The following LAMA2 variants were observed in gnomAD, a reference collection of about 807,000 sequenced individuals.
LAMA2 encodes the protein laminin subunit alpha 2.
LAMA2 carries 269 observed loss-of-function variants against 364.8 expected under a neutral mutation model. The observed-to-expected ratio is 0.74, with a 90% CI of 0.67 to 0.82. LAMA2 has a LOEUF of 0.82. Among genes scored for constraint, LAMA2 ranks in the 40% least tolerant of loss-of-function variants. The probability of loss-of-function intolerance (pLI) is 0.00; values close to 1 mark genes in which losing one functional copy is unlikely to be tolerated. For missense variants in LAMA2, 3,807 were observed against 3,873.2 expected (o/e 0.98, Z 0.45); for synonymous variants, 1,379 against 1,370.6 (o/e 1.01, Z -0.14).
chr6:129,231,825 C>A (rs754938833), intron 12 of LAMA2, among the ~76,000 whole-genome samples: 10 of 152,020 alleles, frequency 6.6e-5, no homozygotes, highest in African/African-American at 1.4e-4. Flanking sequence ...TCATTTAGTG[C>A]ATCTTAGACA....
rs957189805 is a variant in LAMA2 at position 128,883,267 on chromosome 6, C to G, written c.22C>G (p.Leu8Val). ...TACGATGCCGGGAGCCGCCGGGGTC[C>G]TCCTCCTTCTGCTGCTCTCCGGAGG... MPGAAGV[L>V]LLLLLSGGLG... is the part of the protein sequence containing the mutation. The change falls in exon 1 of 65, where the codon CTC becomes GTC. Residue 8 changes from leucine to valine, a missense_variant. This residue lies in a region of LAMA2 where 394 missense variants were observed against 403.5 expected (regional missense o/e 0.98). Coordinates refer to ENST00000421865, the MANE Select transcript of LAMA2 (RefSeq NM_000426.4). The G allele has an allele frequency of 1.3e-6, 2 of 1,561,406 alleles. No homozygotes were observed. Among genetic ancestry groups the G allele is most frequent in the African/African-American group, 2.7e-5 (2 of 73,892 alleles).
chr6:129,473,492 T>A, intron 52 of LAMA2, 140 bp downstream of exon 52: 1 of 756,800 alleles, frequency 1.3e-6, no homozygotes, highest in Non-Finnish European at 2.2e-6. Context: ...AACATCATGT[T>A]GCATGTTAGA....
chr6:129,143,071 C>T (rs1778225934), intron 4 of LAMA2, among the ~76,000 whole-genome samples: 1 of 151,910 alleles, frequency 6.6e-6, no homozygotes, highest in African/African-American at 2.4e-5. Context: ...ATTCTTTGCT[C>T]TTGAGAAGTC....
chr6:129,315,415 A>C, intron 24 of LAMA2, 61 bp from the exon 25 acceptor site: 1 of 1,452,130 alleles, frequency 6.9e-7, no homozygotes, highest in South Asian at 1.1e-5. Context: ...TTCGTAACTT[A>C]GTTTTAAAGA....
chr6:129,460,444 C>T, intron 49 of LAMA2, 120 bp downstream of exon 49: 1 of 1,049,204 alleles, frequency 9.5e-7, no homozygotes, highest in African/African-American at 1.6e-5. Context: ...GGATTATACT[C>T]AGAGGTGGAA....
intron 1 of LAMA2, among the ~76,000 whole-genome samples, chr6:128,966,568 C>A (rs2114607816): frequency 6.6e-6 from 1 of 152,114 alleles, no homozygotes; most frequent in East Asian, 1.9e-4. Flanking sequence ...AGAGAATGTT[C>A]CAGCTGTTCT....
At chr6:129,382,332 A>G (rs1778738605) in intron 34 of LAMA2, among the ~76,000 whole-genome samples, 1 of 152,210 alleles carries the variant, frequency 6.6e-6, no homozygotes, top group Non-Finnish European at 1.5e-5. Flanking sequence ...TTATACACAC[A>G]CCATTTTTGT....
chr6:129,131,452 T>G (rs900817208), intron 4 of LAMA2, among the ~76,000 whole-genome samples: 2 of 152,188 alleles, frequency 1.3e-5, no homozygotes, highest in Non-Finnish European at 2.9e-5. Flanking sequence ...TATCTGAGCT[T>G]CTTTGAGGGC....
chr6:129,090,572 T>C (rs941024034), intron 3 of LAMA2, among the ~76,000 whole-genome samples: 1 of 152,278 alleles, frequency 6.6e-6, no homozygotes, highest in Non-Finnish European at 1.5e-5. Flanking sequence ...TTGCAACTTA[T>C]TTTTTTGAAG....
At chr6:129,237,911 C>T (rs756503815) in intron 12 of LAMA2, among the ~76,000 whole-genome samples, 3 of 151,328 alleles carry the variant, frequency 2.0e-5, no homozygotes, top group Non-Finnish European at 2.9e-5. Context: ...GTAATCTCAC[C>T]ACTTTGGGAG....
intron 12 of LAMA2, among the ~76,000 whole-genome samples, chr6:129,242,458 T>A (rs1200969170): frequency 6.6e-6 from 1 of 152,154 alleles, no homozygotes; most frequent in Non-Finnish European, 1.5e-5. Flanking sequence ...TTAATCAGCA[T>A]TGATGTTGTA....
rs143316875 is a variant in LAMA2, at chr6:129,202,572, G to T, written c.1782+9719G>T. Among the ~76,000 whole-genome samples the T allele has an allele frequency of 3.1e-3, 471 of 152,236 alleles. 1 individual carries two copies. Among genetic ancestry groups the T allele is most frequent in the African/African-American group, 0.011 (456 of 41,518 alleles). On this transcript the variant is annotated intron_variant, in intron 12 of 64. Coordinates refer to ENST00000421865, the MANE Select transcript of LAMA2 (RefSeq NM_000426.4). ...TGGATTTCCTAGTCTCCAGCACTGT[G>T]AGCAGTATATTTTTAATGCTTAAAA... is the stretch of plus-strand genomic sequence containing the variant.
intron 3 of LAMA2, among the ~76,000 whole-genome samples, chr6:129,066,521 C>T (rs1207030109): frequency 6.6e-6 from 1 of 152,102 alleles, no homozygotes; most frequent in Non-Finnish European, 1.5e-5. Context: ...CAATGTGATC[C>T]ACAGATTCAG....
At chr6:129,129,740 C>T (rs1357711276) in intron 4 of LAMA2, among the ~76,000 whole-genome samples, 2 of 151,482 alleles carry the variant, frequency 1.3e-5, no homozygotes, top group Non-Finnish European at 1.5e-5. Context: ...CCGGCTAAAA[C>T]GGTGAAACCC....
intron 1 of LAMA2, among the ~76,000 whole-genome samples, chr6:128,959,105 C>T (rs1036617953): frequency 6.6e-6 from 1 of 152,098 alleles, no homozygotes; most frequent in South Asian, 2.1e-4. Flanking sequence ...ACATCGTTGC[C>T]TGGCATTAAT....
In LAMA2 at chr6:129,270,684, G is replaced by A. The variant is rs149896793; in HGVS notation, c.2383G>A (p.Glu795Lys). The part of the protein sequence containing the change: ...CDKCLPGFYG[E>K]PTKGTSEDCQ... ...TAAATGTCTTCCTGGTTTCTATGGCGAGCCTACTAAAGGAACCTCTGAAGA... is the reference window on the plus strand; with the variant it reads ...TAAATGTCTTCCTGGTTTCTATGGCAAGCCTACTAAAGGAACCTCTGAAGA... Residue 795 changes from glutamate to lysine, a missense_variant, in exon 17 of 65, where the codon GAG becomes AAG. By Grantham distance (56) the Glu-to-Lys change is moderately conservative. This residue lies in a region of LAMA2 where 3,333 missense variants were observed against 3,345.7 expected (regional missense o/e 1.00). Transcript: ENST00000421865. 3.1e-6 allele frequency: 5 copies of A among 1,612,916 alleles called. No individual in the cohort carries two copies. The highest frequency in any genetic ancestry group is 2.2e-5 in the East Asian group (1 of 44,828).
chr6:129,198,385 A>C lies in LAMA2; in HGVS notation c.1782+5532A>C, dbSNP rs1046365900. ...CCAGGATTACAATCCAGATGTGTCT[A>C]TAGCCCATTCCAGTTAAGCATTTTT... is the stretch of plus-strand genomic sequence containing the variant. On this transcript the variant is annotated intron_variant, in intron 12 of 64. Coordinates refer to ENST00000421865, the MANE Select transcript of LAMA2 (RefSeq NM_000426.4). Among the ~76,000 whole-genome samples, 8 of 152,208 alleles carry C rather than the reference A, an allele frequency of 5.3e-5. No individual in the cohort carries two copies. In the East Asian group the frequency reaches 1.5e-3, roughly 29 times the overall value.
rs562546946 is a variant in LAMA2 at position 129,036,641 on chromosome 6, A to G, written c.113-13277A>G. ...TACTACTTTTTCTGATTAAAAAAAA[A>G]AAGAAGAAGAAGAAAAGAGCCCACA... On this transcript the variant is annotated intron_variant, in intron 1 of 64. Transcript: ENST00000421865. 3.2e-3 allele frequency among the ~76,000 whole-genome samples: 487 copies of G among 152,206 alleles called. 2 individuals are homozygous for G. The highest frequency in any genetic ancestry group is 6.8e-3 in the Middle Eastern group (2 of 294).
At chr6:129,315,983 C>G (rs2451687) in intron 26 of LAMA2, 33 bp downstream of exon 26, 4 of 1,613,210 alleles carry the variant, frequency 2.5e-6, no homozygotes, top group Admixed American at 3.3e-5. Context: ...GCAAAGATAC[C>G]AATCAATGGT....
Sources: gnomAD v4.1 joint callset for allele counts (sites outside exome capture counted in the v4.1 genomes callset) on GRCh38, gnomAD v4.1.1 for gene constraint, gnomAD v4.1.1 regional missense constraint, MANE v1.5 for transcripts, NCBI Gene and HGNC (gene_info 2026-07-23, HGNC 2026-07-21) for gene names.